The following QSOX2 variants were observed in gnomAD, a reference collection of about 807,000 sequenced individuals.
The protein encoded by QSOX2 is quiescin sulfhydryl oxidase 2, also known as sulfhydryl oxidase 2.
A neutral mutation model predicts 61.7 loss-of-function variants in QSOX2; 46 were observed. That is an observed-to-expected ratio of 0.75 (90% CI 0.59 to 0.95). The LOEUF is 0.95. Ranked by LOEUF, QSOX2 falls within the 40% of genes least tolerant of loss-of-function variation. The pLI is 0.00. For synonymous variants in QSOX2, 383 were observed against 388.4 expected, an observed-to-expected ratio of 0.99 and a Z score of 0.16; for missense variants, 879 against 918.9, an observed-to-expected ratio of 0.96 and a Z score of 0.56.
chr9:136,212,440 G>A (rs1831857968), intron 10 of QSOX2, among the ~76,000 whole-genome samples: 1 of 152,276 alleles, frequency 6.6e-6, no homozygotes, highest in African/African-American at 2.4e-5. Context: ...GTGGCTCCCT[G>A]CAAAACACAG....
At chr9:136,226,400 G>A (rs1830281334) in intron 2 of QSOX2, among the ~76,000 whole-genome samples, 1 of 152,218 alleles carries the variant, frequency 6.6e-6, no homozygotes, top group South Asian at 2.1e-4. Context: ...GCATGTGTGA[G>A]AGCCCCATGG....
Position 136,224,068 on chromosome 9 carries a change from A to G in QSOX2, c.523T>C (p.Phe175Leu). 6.2e-7 allele frequency: 1 copy of G among 1,614,034 alleles called. No individual in the cohort carries two copies. The highest frequency in any genetic ancestry group is 8.5e-7 in the Non-Finnish European group (1 of 1,179,988). ...CTTCCTTCCGTGTGGTTCTGCAGGA[A>G]GTCAATCATCGTCTGTCTGACTGTT... The part of the protein sequence containing the change: ...LRTVRQTMID[F>L]LQNHTEGSRP... The change falls in exon 4 of 12, where the codon TTC (phenylalanine) becomes CTC (leucine). Residue 175 changes from phenylalanine to leucine, a missense_variant. Phe to Leu is a conservative substitution (Grantham distance 22). Coordinates refer to ENST00000358701, the MANE Select transcript of QSOX2 (RefSeq NM_181701.4).
At chr9:136,241,860 G>C (rs1339097246) in intron 1 of QSOX2, among the ~76,000 whole-genome samples, 1 of 152,248 alleles carries the variant, frequency 6.6e-6, no homozygotes, top group East Asian at 1.9e-4. Context: ...CCAAGTGAAG[G>C]AGATGGGAGG....
At chr9:136,238,254 G>C (rs1019876605) in intron 1 of QSOX2, among the ~76,000 whole-genome samples, 7 of 152,198 alleles carry the variant, frequency 4.6e-5, no homozygotes, top group African/African-American at 1.7e-4. Flanking sequence ...CGGGGAAACT[G>C]ATCAGCCAGG....
intron 9 of QSOX2, among the ~76,000 whole-genome samples, chr9:136,216,091 C>T (rs970087301): frequency 1.3e-5 from 2 of 152,192 alleles, no homozygotes; most frequent in East Asian, 1.9e-4. Flanking sequence ...ACAAGCAGCA[C>T]GCTGGGTTTA....
chr9:136,227,755 G>GT (rs1267100457), intron 1 of QSOX2, among the ~76,000 whole-genome samples: 2 of 152,080 alleles, frequency 1.3e-5, no homozygotes, highest in Non-Finnish European at 1.5e-5. Context: ...TGGGCAGATC[G>GT]TTTAAGCCCA....
intron 1 of QSOX2, among the ~76,000 whole-genome samples, chr9:136,240,786 C>T (rs941902182): frequency 3.3e-5 from 5 of 152,208 alleles, no homozygotes; most frequent in Admixed American, 2.0e-4. Context: ...GACTCTTGAT[C>T]CCCAGCATTT....
At chr9:136,212,767 C>CCT (rs540795362) in intron 10 of QSOX2, among the ~76,000 whole-genome samples, 1 of 152,390 alleles carries the variant, frequency 6.6e-6, no homozygotes, top group South Asian at 2.1e-4. Context: ...GAACCATAAA[C>CCT]CTCTACCTGT....
At chr9:136,233,297 A>G (rs1830349286) in intron 1 of QSOX2, among the ~76,000 whole-genome samples, 1 of 152,206 alleles carries the variant, frequency 6.6e-6, no homozygotes, top group Non-Finnish European at 1.5e-5. Context: ...ACTGCCTTTT[A>G]CAGTGATTTC....
At chr9:136,233,928 A>C (rs986362622) in intron 1 of QSOX2, among the ~76,000 whole-genome samples, 1 of 152,262 alleles carries the variant, frequency 6.6e-6, no homozygotes, top group African/African-American at 2.4e-5. Flanking sequence ...AGAAATAAAA[A>C]GCAAGAAAGC....
intron 9 of QSOX2, among the ~76,000 whole-genome samples, 182 bp from the exon 10 acceptor site, chr9:136,215,486 A>G (rs1831901388): frequency 6.6e-6 from 1 of 152,192 alleles, no homozygotes. Flanking sequence ...AATTCAATAA[A>G]ACAAAAGAGA....
intron 1 of QSOX2, among the ~76,000 whole-genome samples, chr9:136,241,165 A>G (rs1830430636): frequency 6.6e-6 from 1 of 152,034 alleles, no homozygotes; most frequent in Non-Finnish European, 1.5e-5. Flanking sequence ...TAAAATACTC[A>G]TGTGGTCGCC....
At chr9:136,210,618 G>C (rs977178551) in intron 11 of QSOX2, 1 of 985,324 alleles carries the variant, frequency 1.0e-6, no homozygotes, top group Non-Finnish European at 1.2e-6. Context: ...GTCAGGCTCA[G>C]GGCAAAGAAA....
rs563039847 is a variant in QSOX2 at position 136,221,992 on chromosome 9, GA to G, written c.676-52del. 9.7e-3 allele frequency: 14,501 copies of G among 1,501,638 alleles called. 94 individuals are homozygous for G. Among genetic ancestry groups the G allele is most frequent in the Non-Finnish European group, 0.011 (12,644 of 1,120,408 alleles). 93.0% of individuals were successfully genotyped at this position (1,501,638 alleles called of 1,614,324 possible). ...TTCCACAGGGGCTGGCAGTTTCTCA[GA>G]AAACACGACGTGCAGACACATGGCC... On this transcript the variant is annotated intron_variant, in intron 5 of 11. Transcript: ENST00000358701. The surrounding 1 kb of genome is among the most constrained non-coding windows in gnomAD (Gnocchi z 4.5).
intron 11 of QSOX2, chr9:136,210,604 G>A (rs76834130): frequency 0.011 from 11,048 of 985,420 alleles, 220 homozygotes; most frequent in South Asian, 0.1. Flanking sequence ...CCCCGGCCCC[G>A]GCAGTCAGGC....
In QSOX2 at chr9:136,223,216, C is replaced by T. The variant is rs1830242976; in HGVS notation, c.675+547G>A. Among the ~76,000 whole-genome samples, 1 of 152,212 alleles carries T rather than the reference C, an allele frequency of 6.6e-6. No individual in the cohort carries two copies. Among genetic ancestry groups the T allele is most frequent in the Non-Finnish European group, 1.5e-5 (1 of 68,040 alleles). ...AACGCATGTGCAGTGAGGCCTTTCT[C>T]TCGTCTCCGGGAAGACTGTCAGCAA... On this transcript the variant is annotated intron_variant, in intron 5 of 11. Coordinates refer to ENST00000358701, the MANE Select transcript of QSOX2 (RefSeq NM_181701.4). This position sits in a 1 kb window ranked among gnomAD's most constrained non-coding sequence, Gnocchi z 4.4.
In QSOX2 at chr9:136,211,341, A is replaced by G; in HGVS notation, c.1472T>C (p.Met491Thr). ...TTGGTCTGGGGTTTTCACCGAGTCC[A>G]TGGATTCTTTAGCCATTTCCTCAAA... Reference protein sequence around the residue: ...EHFEEMAKESMDSVKTPDQAI... With the variant: ...EHFEEMAKESTDSVKTPDQAI... Residue 491 changes from methionine (M) to threonine (T), a missense_variant, in exon 11 of 12, where the codon ATG becomes ACG. By Grantham distance (81) the Met-to-Thr change is moderately conservative. Transcript: ENST00000358701. 6 of 1,614,206 alleles carry G rather than the reference A, an allele frequency of 3.7e-6. No individual in the cohort carries two copies. Among genetic ancestry groups the G allele is most frequent in the African/African-American group, 2.7e-5 (2 of 75,058 alleles).
chr9:136,215,406 G>A (rs892127026), intron 9 of QSOX2, 102 bp from the exon 10 acceptor site: 1 of 762,702 alleles, frequency 1.3e-6, no homozygotes, highest in Non-Finnish European at 1.9e-6. Context: ...GTGGATAATG[G>A]GGGTGTGGTT....
chr9:136,224,406 C>T (rs7047985), intron 3 of QSOX2, among the ~76,000 whole-genome samples: 26 of 152,122 alleles, frequency 1.7e-4, no homozygotes, highest in African/African-American at 4.6e-4. Flanking sequence ...GCAGGCCAGG[C>T]GGCTCCACTG....
Sources: allele counts gnomAD v4.1 joint callset (sites outside exome capture counted in the v4.1 genomes callset), GRCh38; gene constraint gnomAD v4.1.1; non-coding constraint Gnocchi (gnomAD v3.1); transcripts MANE v1.5; gene names NCBI Gene and HGNC (gene_info 2026-07-23, HGNC 2026-07-21).